The following MYH14 variants were observed in gnomAD, a reference collection of about 807,000 sequenced individuals.
The protein encoded by MYH14 is myosin heavy chain 14.
In MYH14, 123 loss-of-function variants were observed where a neutral mutation model predicts 255.5. The observed-to-expected ratio is 0.48, with a 90% confidence interval of 0.42 to 0.56. The LOEUF is 0.56. Among genes scored for constraint, MYH14 ranks in the 20% least tolerant of loss-of-function variants. MYH14 has a pLI of 0.00. For synonymous variants in MYH14, 1,095 were observed against 1,161.2 expected, an observed-to-expected ratio of 0.94 and a Z score of 1.16; for missense variants, 2,423 against 2,802.3, an observed-to-expected ratio of 0.86 and a Z score of 3.06.
chr19:50,310,098 G>T lies in MYH14; in HGVS notation c.*308G>T, dbSNP rs2036807964. 6.3e-6 allele frequency: 3 copies of T among 476,482 alleles called. No individual in the cohort carries two copies. The Admixed American group carries it at 1.1e-4, about 18-fold the overall frequency. The allele number at this position is 476,482 out of a possible 1,614,324, so 29.5% of individuals were successfully genotyped here. Reference sequence around the variant, plus strand: ...TGTCCTCCTTTCTTCCCTCGTTATTGATCTATAGACATTAGGAAGGGAGTG... The same window carrying T: ...TGTCCTCCTTTCTTCCCTCGTTATTTATCTATAGACATTAGGAAGGGAGTG... On this transcript the variant is annotated 3_prime_UTR_variant, in exon 43 of 43. Coordinates refer to ENST00000642316, the MANE Select transcript of MYH14 (RefSeq NM_001145809.2).
chr19:50,204,174 C>T (rs563272316), intron 1 of MYH14, among the ~76,000 whole-genome samples: 15 of 152,220 alleles, frequency 9.9e-5, no homozygotes, highest in East Asian at 5.8e-4. Flanking sequence ...CTTTCCTTAT[C>T]GTGTTGACTC....
At chr19:50,279,456 A>T (rs1329655485) in intron 30 of MYH14, among the ~76,000 whole-genome samples, 1 of 152,112 alleles carries the variant, frequency 6.6e-6, no homozygotes, top group Non-Finnish European at 1.5e-5. Context: ...CAACATGGTG[A>T]AACTTCGTCT....
At chr19:50,208,220 G>C (rs1037265592) in intron 1 of MYH14, among the ~76,000 whole-genome samples, 1 of 152,142 alleles carries the variant, frequency 6.6e-6, no homozygotes, top group Non-Finnish European at 1.5e-5. Flanking sequence ...TTTGAGACCA[G>C]CCTGGCCAAC....
At chr19:50,222,216 C>T (rs569533825) in intron 3 of MYH14, among the ~76,000 whole-genome samples, 2 of 152,214 alleles carry the variant, frequency 1.3e-5, no homozygotes, top group East Asian at 3.9e-4. Context: ...TGCAGTGGCT[C>T]ATACCTGTAA....
intron 2 of MYH14, among the ~76,000 whole-genome samples, chr19:50,211,815 CAAA>C (rs554010605): frequency 1.6e-5 from 2 of 123,124 alleles, no homozygotes; most frequent in Non-Finnish European, 1.8e-5. Flanking sequence ...CCCATCCCTG[CAAA>C]AAAAAAAAAA....
chr19:50,230,155 C>T lies in MYH14; in HGVS notation c.875-370C>T, dbSNP rs527732089. Among the ~76,000 whole-genome samples, 14 of 152,292 alleles carry T rather than the reference C, an allele frequency of 9.2e-5. No individual in the cohort carries two copies. The highest frequency in any genetic ancestry group is 6.2e-4 in the South Asian group (3 of 4,824). On this transcript the variant is annotated intron_variant, in intron 8 of 42. Coordinates refer to ENST00000642316, the MANE Select transcript of MYH14 (RefSeq NM_001145809.2). This position sits in a 1 kb window ranked among gnomAD's most constrained non-coding sequence, Gnocchi z 4.7. ...CTTGAACTCCTGACCTCAGGTGATC[C>T]GCCTGCCTTGGCTTTCCAAAGTGTT...
At chr19:50,237,327 ATT>A (rs113618588) in intron 10 of MYH14, among the ~76,000 whole-genome samples, 18 of 142,428 alleles carry the variant, frequency 1.3e-4, no homozygotes, top group African/African-American at 2.3e-4. Context: ...AGGTGTGAAC[ATT>A]TTTTTTTTTT....
chr19:50,233,006 CT>C (rs1372417738), intron 10 of MYH14, among the ~76,000 whole-genome samples: 7 of 152,064 alleles, frequency 4.6e-5, no homozygotes, highest in African/African-American at 1.7e-4. Flanking sequence ...GAGAGACACA[CT>C]GGAGTGGGTG....
chr19:50,264,076 AG>A (rs2034992177), intron 22 of MYH14, among the ~76,000 whole-genome samples: 2 of 105,164 alleles, frequency 1.9e-5, no homozygotes, highest in Admixed American at 1.3e-4. Flanking sequence ...AAAAAAAAAA[AG>A]AGCAAAGGTT....
chr19:50,278,827 A>C (rs1472622809), intron 30 of MYH14, among the ~76,000 whole-genome samples: 1 of 151,808 alleles, frequency 6.6e-6, no homozygotes, highest in Non-Finnish European at 1.5e-5. Context: ...AAAAAAAAAA[A>C]AAAACACAAA....
rs779317390 is a variant in MYH14, at chr19:50,210,461, C to T, written c.96C>T (p.Arg32=). 6.8e-5 allele frequency: 105 copies of T among 1,547,362 alleles called. No individual in the cohort carries two copies. Among genetic ancestry groups the T allele is most frequent in the South Asian group, 2.5e-4 (21 of 84,148 alleles). Residue 32 remains arginine (R), a synonymous_variant, in exon 2 of 43, where the codon CGC becomes CGT. Coordinates refer to ENST00000642316, the MANE Select transcript of MYH14 (RefSeq NM_001145809.2). ...CCCAGCCGTTCCTGTTCACGCCCCG[C>T]GGGCCCAGCGCGGGTGGCGGGCCTG... is the stretch of plus-strand genomic sequence containing the variant. ...EAAQPFLFTP[R]GPSAGGGPGS...
At position 50,252,183 on chromosome 19, in the gene MYH14, G is replaced by T. The variant is rs567000505; in HGVS notation, c.1831-456G>T. ...TGCCCTCGGGGGACCGCTGTCTGGT[G>T]GGGGGCACATATGCAGAGAATTGTA... On this transcript the variant is annotated intron_variant, in intron 15 of 42. Transcript: ENST00000642316. This position sits in a 1 kb window ranked among gnomAD's most constrained non-coding sequence, Gnocchi z 4.2. Among the ~76,000 whole-genome samples the T allele has an allele frequency of 6.6e-6, 1 of 152,272 alleles. No homozygotes were observed. The highest frequency in any genetic ancestry group is 2.1e-4 in the South Asian group (1 of 4,828).
At chr19:50,215,620 T>G (rs1487110759) in intron 2 of MYH14, among the ~76,000 whole-genome samples, 1 of 152,202 alleles carries the variant, frequency 6.6e-6, no homozygotes, top group Non-Finnish European at 1.5e-5. Flanking sequence ...AAGACCAGCC[T>G]GGGCAACATA....
At chr19:50,301,573 G>A (rs2123478133) in intron 39 of MYH14, 88 bp from the exon 40 acceptor site, 1 of 901,438 alleles carries the variant, frequency 1.1e-6, no homozygotes, top group Non-Finnish European at 1.8e-6. Context: ...AATCATCAGT[G>A]CACTTAATTC....
chr19:50,295,170 A>G (rs1244940859), intron 39 of MYH14, among the ~76,000 whole-genome samples: 1 of 151,830 alleles, frequency 6.6e-6, no homozygotes, highest in Non-Finnish European at 1.5e-5. Context: ...CTAAAAATAC[A>G]AAAAATTAGC....
chr19:50,249,268 CT>C lies in MYH14; in HGVS notation c.1482+130del, dbSNP rs146080151. ...TCTCTCTCTGAGTCTCTGTTCCCCCCTCTCTCTGGTCTCTGTCCCCCTCTCT... is the reference window on the plus strand; with the variant it reads ...TCTCTCTCTGAGTCTCTGTTCCCCCCCTCTCTGGTCTCTGTCCCCCTCTCT... On this transcript the variant is annotated intron_variant, in intron 13 of 42. Coordinates refer to ENST00000642316, the MANE Select transcript of MYH14 (RefSeq NM_001145809.2). 8,595 of 1,130,934 alleles carry C rather than the reference CT, an allele frequency of 7.6e-3. 171 individuals are homozygous for C. The East Asian group carries it at 0.08, about 11-fold the overall frequency. 70.1% of individuals were successfully genotyped at this position (1,130,934 alleles called of 1,614,324 possible).
intron 27 of MYH14, among the ~76,000 whole-genome samples, chr19:50,273,595 A>G (rs1600997886): frequency 8.7e-6 from 1 of 115,032 alleles, no homozygotes; most frequent in Middle Eastern, 4.0e-3. Context: ...TTGATGGAAC[A>G]TGGGGGGTGT....
intron 2 of MYH14, among the ~76,000 whole-genome samples, chr19:50,214,728 C>T (rs1358239505): frequency 1.3e-5 from 2 of 152,116 alleles, no homozygotes; most frequent in Admixed American, 6.5e-5. Context: ...CTGCAGTGAG[C>T]CAGGATCGTG....
At chr19:50,235,395 C>T (rs2892339) in intron 10 of MYH14, among the ~76,000 whole-genome samples, 31,022 of 85,102 alleles carry the variant, frequency 0.36, 3,506 homozygotes, top group South Asian at 0.46. Flanking sequence ...GTTGCTCCAG[C>T]TGGCCCCCCA....
Sources: gnomAD v4.1 joint callset for allele counts (sites outside exome capture counted in the v4.1 genomes callset) on GRCh38, gnomAD v4.1.1 for gene constraint, Gnocchi (gnomAD v3.1) non-coding constraint, MANE v1.5 for transcripts, NCBI Gene and HGNC (gene_info 2026-07-23, HGNC 2026-07-21) for gene names.